Variants in DTNA observed in about 807,000 individuals in gnomAD.
The protein encoded by DTNA is dystrobrevin alpha, also known as dystrophin-related protein 3.
Under a neutral mutation model 100.7 loss-of-function variants are expected in DTNA, and 43 were observed. The ratio of observed to expected loss-of-function variants is 0.43; its 90% CI spans 0.33 to 0.55. DTNA has a LOEUF of 0.55. Ranked by LOEUF, DTNA falls within the 20% of genes least tolerant of loss-of-function variation. The probability of loss-of-function intolerance (pLI) is 0.04; values close to 1 mark genes in which losing one functional copy is unlikely to be tolerated. For synonymous variants in DTNA, 349 were observed against 347.9 expected, an observed-to-expected ratio of 1.00 and a Z score of -0.04; for missense variants, 798 against 953.9, an observed-to-expected ratio of 0.84 and a Z score of 2.15.
chr18:34,772,754 A>G (rs1382580206), intron 3 of DTNA, among the ~76,000 whole-genome samples: 1 of 152,228 alleles, frequency 6.6e-6, no homozygotes, highest in African/African-American at 2.4e-5. Context: ...AGAAGCACAC[A>G]TTTATTATCT....
At chr18:34,685,678 A>G (rs2078786105) in intron 1 of DTNA, among the ~76,000 whole-genome samples, 1 of 152,126 alleles carries the variant, frequency 6.6e-6, no homozygotes, top group Admixed American at 6.6e-5. Context: ...TGTGAAGAAA[A>G]TCAATGGTAG....
chr18:34,683,638 G>A (rs894245655), intron 1 of DTNA: 13 of 152,230 alleles, frequency 8.5e-5, no homozygotes, highest in African/African-American at 3.1e-4. Context: ...ATGCGCAAAT[G>A]CCATCATGAA....
chr18:34,776,739 CTCCCCACTTCCCTCATGGT>C (rs1463876128), intron 3 of DTNA, among the ~76,000 whole-genome samples: 2 of 152,208 alleles, frequency 1.3e-5, no homozygotes, highest in African/African-American at 4.8e-5. Flanking sequence ...CCTGCAGTGG[CTCCCCACTTCCCTCATGGT>C]AAAAGCATAG....
At chr18:34,784,958 G>T (rs2094458680) in intron 3 of DTNA, among the ~76,000 whole-genome samples, 1 of 150,228 alleles carries the variant, frequency 6.7e-6, no homozygotes, top group Admixed American at 6.6e-5. Flanking sequence ...TTTTGAGATG[G>T]AGTCTTGCTC....
At chr18:34,789,529 G>A (rs1396140383) in intron 3 of DTNA, among the ~76,000 whole-genome samples, 1 of 152,080 alleles carries the variant, frequency 6.6e-6, no homozygotes, top group Non-Finnish European at 1.5e-5. Flanking sequence ...CACTATTTCT[G>A]ATCACCCGTT....
intron 2 of DTNA, among the ~76,000 whole-genome samples, chr18:34,759,745 G>A (rs1053482376): frequency 9.2e-5 from 14 of 152,098 alleles, no homozygotes; most frequent in African/African-American, 2.2e-4. Context: ...GCAGTGGCGC[G>A]ATCTCAGCTC....
intron 3 of DTNA, among the ~76,000 whole-genome samples, chr18:34,780,685 A>T (rs1259123187): frequency 6.6e-6 from 1 of 152,192 alleles, no homozygotes; most frequent in East Asian, 1.9e-4. Flanking sequence ...GGGAGGATTC[A>T]GCCAGGAATA....
At chr18:34,866,091 T>C (rs755758700) in intron 17 of DTNA, 13 of 1,613,656 alleles carry the variant, frequency 8.1e-6, no homozygotes, top group Admixed American at 5.0e-5. Flanking sequence ...CTAACTGTTA[T>C]TGATTCAATC....
chr18:34,670,496 C>T (rs888590024), intron 1 of DTNA, among the ~76,000 whole-genome samples: 5 of 152,176 alleles, frequency 3.3e-5, no homozygotes, highest in Non-Finnish European at 7.3e-5. Flanking sequence ...AGGAGAGGTT[C>T]TCTGATTTTT....
intron 8 of DTNA, chr18:34,818,600 TAAC>T (rs2095644043): frequency 1.5e-5 from 20 of 1,290,866 alleles, no homozygotes; most frequent in Non-Finnish European, 2.0e-5. Context: ...CTGATTTAAA[TAAC>T]AACTGAATAG....
chr18:34,740,643 A>C (rs1448879207), intron 1 of DTNA, among the ~76,000 whole-genome samples: 1 of 152,098 alleles, frequency 6.6e-6, no homozygotes, highest in Non-Finnish European at 1.5e-5. Context: ...ACTTTAAAAA[A>C]TAAAAATTAG....
chr18:34,820,753 T>G, intron 8 of DTNA, 38 bp from the exon 9 acceptor site: 1 of 1,613,742 alleles, frequency 6.2e-7, no homozygotes, highest in African/African-American at 1.3e-5. Flanking sequence ...TACATAAATA[T>G]TAGCTGTTGT....
At chr18:34,770,114 T>C (rs2093693333) in intron 3 of DTNA, among the ~76,000 whole-genome samples, 1 of 152,144 alleles carries the variant, frequency 6.6e-6, no homozygotes, top group East Asian at 1.9e-4. Context: ...GGTAATACCA[T>C]CGCATTAAGG....
At chr18:34,639,061 G>C (rs2058970145) in intron 1 of DTNA, among the ~76,000 whole-genome samples, 1 of 152,096 alleles carries the variant, frequency 6.6e-6, no homozygotes, top group Non-Finnish European at 1.5e-5. Context: ...GGCTGGTCTC[G>C]AACTCCTGAC....
At chr18:34,885,766 T>G (rs539297391) in intron 22 of DTNA, among the ~76,000 whole-genome samples, 1 of 152,228 alleles carries the variant, frequency 6.6e-6, no homozygotes, top group Non-Finnish European at 1.5e-5. Flanking sequence ...CCTGCCCCTA[T>G]GTTCAGTGCT....
At chr18:34,791,934 A>G (rs900787203) in intron 3 of DTNA, among the ~76,000 whole-genome samples, 1 of 152,222 alleles carries the variant, frequency 6.6e-6, no homozygotes, top group East Asian at 1.9e-4. Flanking sequence ...TTGTCGTAGA[A>G]GAGCCAGATT....
chr18:34,576,650 G>A (rs902434216), intron 1 of DTNA, among the ~76,000 whole-genome samples: 1 of 151,982 alleles, frequency 6.6e-6, no homozygotes, highest in Non-Finnish European at 1.5e-5. Flanking sequence ...GTAAAGATGG[G>A]GTTTCACTAT....
chr18:34,732,294 A>G (rs923425242), intron 1 of DTNA, among the ~76,000 whole-genome samples: 19 of 152,160 alleles, frequency 1.2e-4, no homozygotes, highest in African/African-American at 4.6e-4. Flanking sequence ...CTTTTTCTGA[A>G]GAGGACAATG....
At chr18:34,723,665 G>A (rs985376964) in intron 1 of DTNA, among the ~76,000 whole-genome samples, 2 of 152,112 alleles carry the variant, frequency 1.3e-5, no homozygotes, top group African/African-American at 4.8e-5. Flanking sequence ...TTGGGAGGCC[G>A]AGGCAGGTAG....
Sources: gnomAD v4.1 joint callset for allele counts (sites outside exome capture counted in the v4.1 genomes callset) on GRCh38, gnomAD v4.1.1 for gene constraint, MANE v1.5 for transcripts, NCBI Gene and HGNC (gene_info 2026-07-23, HGNC 2026-07-21) for gene names.